Variants in NXN observed in about 807,000 individuals in gnomAD.
The protein encoded by NXN is nucleoredoxin, also known as nucleoredoxin 1.
In NXN, 16 loss-of-function variants were observed where a neutral mutation model predicts 48.6. The observed-to-expected ratio is 0.33, with a 90% CI of 0.22 to 0.50. The LOEUF is 0.50. Among genes scored for constraint, NXN ranks in the 20% least tolerant of loss-of-function variants. The pLI, the probability that NXN is intolerant of heterozygous loss-of-function variation, is 0.98. For synonymous variants in NXN, 281 were observed against 269.6 expected (o/e 1.04, Z -0.41); for missense variants, 492 against 605.5 (o/e 0.81, Z 1.97).
chr17:943,470 A>G (rs2069003714), intron 1 of NXN, among the ~76,000 whole-genome samples: 1 of 152,220 alleles, frequency 6.6e-6, no homozygotes, highest in South Asian at 2.1e-4. Context: ...TACTCTGCCC[A>G]GCCTTGAGAT....
At chr17:975,299 A>G (rs1202834249) in intron 1 of NXN, among the ~76,000 whole-genome samples, 3 of 152,216 alleles carry the variant, frequency 2.0e-5, no homozygotes. Context: ...AAGTGAATGC[A>G]AAGAAAAGAT....
chr17:811,920 C>CT (rs34383551), intron 5 of NXN, among the ~76,000 whole-genome samples: 984 of 73,200 alleles, frequency 0.013, 14 homozygotes, highest in Non-Finnish European at 0.017. Flanking sequence ...CCCAGTTCTG[C>CT]TTTTTTTTTT....
rs755873028 is a variant in NXN at position 818,240 on chromosome 17, G to A, written c.820+1199C>T. On this transcript the variant is annotated intron_variant, in intron 5 of 7. Transcript: ENST00000336868. ...CACGCCACTGCACTCCAGCCTGGGC[G>A]ACACGGTGAGACCCTGACTTAAAAA... 2.0e-5 allele frequency among the ~76,000 whole-genome samples: 3 copies of A among 151,958 alleles called. No individual in the cohort carries two copies. In the South Asian group the frequency reaches 6.3e-4, roughly 32 times the overall value.
At chr17:843,778 C>T (rs1055049377) in intron 1 of NXN, among the ~76,000 whole-genome samples, 2 of 152,166 alleles carry the variant, frequency 1.3e-5, no homozygotes, top group Admixed American at 6.6e-5. Flanking sequence ...CACCTTTCGA[C>T]GTGAACGTTG....
chr17:834,763 T>C lies in NXN; in HGVS notation c.361-8685A>G, dbSNP rs536037210. 1.1e-4 allele frequency among the ~76,000 whole-genome samples: 17 copies of C among 151,272 alleles called. No individual in the cohort carries two copies. The East Asian group carries it at 1.8e-3, about 16-fold the overall frequency. On this transcript the variant is annotated intron_variant, in intron 1 of 7. Transcript: ENST00000336868. ...TCGAACCTCCTGACCTCAAGTGATC[T>C]GCCCGCCTTGGCCTCCCAAAGTGCT...
In NXN at chr17:825,221, G is replaced by GAAA. The variant is rs34471469; in HGVS notation, c.478+737_478+739dup. On this transcript the variant is annotated intron_variant, in intron 2 of 7. Transcript: ENST00000336868. The surrounding 1 kb of genome is among the most constrained non-coding windows in gnomAD (Gnocchi z 4.1). ...GACAGAGGGAGATAGTGTCTCAAGAGAAAAAAAAAAAAAAAAAAGAAAAGC... is the reference window on the plus strand; with the variant it reads ...GACAGAGGGAGATAGTGTCTCAAGAGAAAAAAAAAAAAAAAAAAAAAGAAAAGC... Among the ~76,000 whole-genome samples the GAAA allele has an allele frequency of 1.7e-5, 2 of 120,994 alleles. No homozygotes were observed. The highest frequency in any genetic ancestry group is 3.6e-5 in the Non-Finnish European group (2 of 54,988). The allele number at this position is 120,994 out of a possible 152,430, so 79.4% of individuals were successfully genotyped here. A position where few individuals can be genotyped will look rare whatever the true frequency, so the allele number is the denominator to read the frequency against.
At chr17:907,320 G>A (rs1367729492) in intron 1 of NXN, among the ~76,000 whole-genome samples, 1 of 148,606 alleles carries the variant, frequency 6.7e-6, no homozygotes, top group Non-Finnish European at 1.5e-5. Flanking sequence ...GGATTGTGAG[G>A]AGAAGTGATG....
In NXN at chr17:940,130, A is replaced by T. The variant is rs34735928; in HGVS notation, c.360+39189T>A. 5.3e-5 allele frequency among the ~76,000 whole-genome samples: 8 copies of T among 150,060 alleles called. No homozygotes were observed. The East Asian group carries it at 1.6e-3, about 30-fold the overall frequency. On this transcript the variant is annotated intron_variant, in intron 1 of 7. Transcript: ENST00000336868. ...TTTTGTATTTTTTTGGTAGAGATCG[A>T]GGTGGGGGGGTCTCAGTATGTTCCC...
chr17:823,083 G>C (rs1282841738), intron 3 of NXN, among the ~76,000 whole-genome samples: 4 of 144,120 alleles, frequency 2.8e-5, no homozygotes, highest in African/African-American at 1.1e-4. Context: ...CTAGGCGACA[G>C]AGCAAGACTC....
chr17:890,042 G>A (rs1358955888), intron 1 of NXN, among the ~76,000 whole-genome samples: 2 of 151,926 alleles, frequency 1.3e-5, no homozygotes, highest in East Asian at 3.9e-4. Context: ...GGAAGAAACT[G>A]AATTCAACAC....
intron 1 of NXN, among the ~76,000 whole-genome samples, chr17:843,036 GA>G (rs1445501876): frequency 7.8e-5 from 11 of 141,698 alleles, no homozygotes; most frequent in African/African-American, 2.3e-4. Context: ...AAGAAAGAAA[GA>G]AAGAAAGAAA....
intron 1 of NXN, among the ~76,000 whole-genome samples, chr17:833,081 C>T (rs184021543): frequency 2.4e-4 from 36 of 152,146 alleles, no homozygotes; most frequent in African/African-American, 6.5e-4. Flanking sequence ...TTAGTAGAGA[C>T]GGGGTTTTAC....
intron 1 of NXN, among the ~76,000 whole-genome samples, chr17:979,107 AAGG>A (rs1236283356): frequency 0.01 from 176 of 17,424 alleles, 1 homozygote; most frequent in African/African-American, 0.08. Context: ...CACAGCGCGG[AAGG>A]GGGGGGGGCA....
At position 920,610 on chromosome 17, in the gene NXN, T is replaced by A. The variant is rs1415693649; in HGVS notation, c.360+58709A>T. 1.3e-5 allele frequency among the ~76,000 whole-genome samples: 2 copies of A among 152,088 alleles called. No individual in the cohort carries two copies. Among genetic ancestry groups the A allele is most frequent in the Non-Finnish European group, 2.9e-5 (2 of 68,030 alleles). ...ATGCCCTAGCCCAGGGTGGGTCTCA[T>A]CAACTGTACCCTCACTGGCAGCACC... On this transcript the variant is annotated intron_variant, in intron 1 of 7. Coordinates refer to ENST00000336868, the MANE Select transcript of NXN (RefSeq NM_022463.5). This position sits in a 1 kb window ranked among gnomAD's most constrained non-coding sequence, Gnocchi z 4.6.
At chr17:963,480 C>T (rs2069263511) in intron 1 of NXN, among the ~76,000 whole-genome samples, 1 of 152,050 alleles carries the variant, frequency 6.6e-6, no homozygotes, top group Non-Finnish European at 1.5e-5. Context: ...GACACACCTG[C>T]AGTTCCCACT....
At chr17:865,076 G>A (rs139503660) in intron 1 of NXN, among the ~76,000 whole-genome samples, 5 of 152,298 alleles carry the variant, frequency 3.3e-5, no homozygotes, top group Non-Finnish European at 7.4e-5. Context: ...TTGAACAGAG[G>A]AGAAAAGCAC....
intron 1 of NXN, among the ~76,000 whole-genome samples, chr17:936,486 C>T (rs1328594332): frequency 6.6e-6 from 1 of 151,746 alleles, no homozygotes; most frequent in African/African-American, 2.4e-5. Context: ...CACCACCCAG[C>T]TCGATGATTC....
intron 1 of NXN, among the ~76,000 whole-genome samples, chr17:885,706 A>G (rs1463914067): frequency 1.1e-5 from 1 of 91,766 alleles, no homozygotes; most frequent in Non-Finnish European, 2.2e-5. Context: ...TTTTTGAGAC[A>G]GAGTCGCTCT....
At position 846,550 on chromosome 17, in the gene NXN, A is replaced by AC. The variant is rs201698743; in HGVS notation, c.361-20473dup. Among the ~76,000 whole-genome samples the AC allele has an allele frequency of 7.2e-3, 1,092 of 152,312 alleles. 12 individuals are homozygous for AC. The highest frequency in any genetic ancestry group is 0.025 in the African/African-American group (1,043 of 41,568). On this transcript the variant is annotated intron_variant, in intron 1 of 7. Coordinates refer to ENST00000336868, the MANE Select transcript of NXN (RefSeq NM_022463.5). ...CTTTGGCCAGTCGCCATGAGAGCAC[A>AC]CCTGAACAAAGGGGCACAAAAGCCT... is the stretch of plus-strand genomic sequence containing the variant.
Sources: allele counts gnomAD v4.1 joint callset (sites outside exome capture counted in the v4.1 genomes callset), GRCh38; gene constraint gnomAD v4.1.1; non-coding constraint Gnocchi (gnomAD v3.1); transcripts MANE v1.5; gene names NCBI Gene and HGNC (gene_info 2026-07-23, HGNC 2026-07-21).